Variants in ADAMTS15 observed in about 807,000 individuals in gnomAD.
ADAMTS15 encodes the protein ADAM metallopeptidase with thrombospondin type 1 motif 15, also known as A disintegrin and metalloproteinase with thrombospondin motifs 15.
ADAMTS15 carries 35 observed loss-of-function variants against 79.1 expected under a neutral mutation model. That is an observed-to-expected ratio of 0.44 (90% CI 0.34 to 0.59). The LOEUF (loss-of-function observed/expected upper bound fraction) is 0.59, where lower values mean the gene tolerates loss of function less well. Ranked by LOEUF, ADAMTS15 falls within the 20% of genes least tolerant of loss-of-function variation. ADAMTS15 has a pLI of 0.02. For missense variants in ADAMTS15, 1,324 were observed against 1,318.7 expected (o/e 1.00, Z -0.06); for synonymous variants, 616 against 567.3 (o/e 1.09, Z -1.22).
intron 1 of ADAMTS15, among the ~76,000 whole-genome samples, chr11:130,460,709 G>A (rs1053778619): frequency 4.6e-5 from 7 of 152,138 alleles, no homozygotes; most frequent in Non-Finnish European, 8.8e-5. Context: ...TATCCACCCC[G>A]GAAGCCCTAT....
In ADAMTS15 at chr11:130,462,732, C is replaced by T. The variant is rs765856607; in HGVS notation, c.1494C>T (p.Leu498=). 1 of 1,607,220 alleles carries T rather than the reference C, an allele frequency of 6.2e-7. No homozygotes were observed. Among genetic ancestry groups the T allele is most frequent in the South Asian group, 1.1e-5 (1 of 90,808 alleles). The change falls in exon 4 of 8, where the codon CTC becomes CTT. Residue 498 remains leucine, a synonymous_variant. Coordinates refer to ENST00000299164, the MANE Select transcript of ADAMTS15 (RefSeq NM_139055.4). The surrounding 1 kb of genome is among the most constrained non-coding windows in gnomAD (Gnocchi z 4.3). ...ADGTSCGEGK[L]CLKGACVERH... ...GCACCAGCTGTGGCGAGGGCAAGCT[C>T]TGCCTCAAAGGGGCCTGCGTGGAGA... is the stretch of plus-strand genomic sequence containing the variant.
chr11:130,473,734 C>T lies in ADAMTS15; in HGVS notation c.2766C>T (p.Gly922=). 6.3e-7 allele frequency: 1 copy of T among 1,599,704 alleles called. No individual in the cohort carries two copies. The highest frequency in any genetic ancestry group is 1.1e-5 in the South Asian group (1 of 91,082). ...GFQRRSLKCV[G]HGGRLLARDQ... is the part of the protein sequence containing the mutation. ...AGAGGCGCTCACTCAAGTGTGTGGG[C>T]CACGGAGGCCGGCTGCTGGCCCGGG... The change falls in exon 8 of 8, where the codon GGC becomes GGT. Residue 922 remains glycine, a synonymous_variant. Coordinates refer to ENST00000299164, the MANE Select transcript of ADAMTS15 (RefSeq NM_139055.4).
chr11:130,470,574 A>G (rs1057295355), intron 5 of ADAMTS15, among the ~76,000 whole-genome samples: 8 of 152,118 alleles, frequency 5.3e-5, no homozygotes, highest in African/African-American at 1.9e-4. Flanking sequence ...TTGTTTCAAA[A>G]TATATCGATA....
chr11:130,470,146 A>ACACACATG (rs1938397671), intron 5 of ADAMTS15, among the ~76,000 whole-genome samples: 2 of 58,884 alleles, frequency 3.4e-5, no homozygotes, highest in African/African-American at 1.8e-4. Flanking sequence ...ATATATATAT[A>ACACACATG]TATATGTGTA....
rs1403640730 is a variant in ADAMTS15, at chr11:130,473,317, C to T, written c.2349C>T (p.Val783=). ...RPILEPLTVE[V]LSVGKMTPPR... Reference sequence around the variant, plus strand: ...TCCTGGAGCCGCTGACCGTGGAGGTCCTCTCCGTGGGGAAGATGACACCGC... The same window carrying T: ...TCCTGGAGCCGCTGACCGTGGAGGTTCTCTCCGTGGGGAAGATGACACCGC... The change falls in exon 8 of 8, where the codon GTC becomes GTT. Residue 783 remains valine, a synonymous_variant. Transcript: ENST00000299164. The T allele has an allele frequency of 6.2e-7, 1 of 1,613,074 alleles. No homozygotes were observed. The highest frequency in any genetic ancestry group is 8.5e-7 in the Non-Finnish European group (1 of 1,179,978).
At position 130,462,283 on chromosome 11, in the gene ADAMTS15, G is replaced by A; in HGVS notation, c.1258+29G>A. The A allele has an allele frequency of 6.3e-7, 1 of 1,590,884 alleles. No homozygotes were observed. The highest frequency in any genetic ancestry group is 8.6e-7 in the Non-Finnish European group (1 of 1,166,606). ...AGCCAGGACGGCGGGAGGGCAATGA[G>A]GCCGCCTCGGAGGGGGCTTTGCTGC... On this transcript the variant is annotated intron_variant, in intron 3 of 7. Transcript: ENST00000299164. The surrounding 1 kb of genome is among the most constrained non-coding windows in gnomAD (Gnocchi z 4.3).
chr11:130,461,512 T>G lies in ADAMTS15; in HGVS notation c.981T>G (p.Cys327Trp). 2.5e-6 allele frequency: 4 copies of G among 1,614,194 alleles called. No homozygotes were observed. Among genetic ancestry groups the G allele is most frequent in the Non-Finnish European group, 3.4e-6 (4 of 1,180,048 alleles). Residue 327 changes from cysteine (C) to tryptophan (W), a missense_variant, in exon 2 of 8, where the codon TGT becomes TGG. By Grantham distance (215) the Cys-to-Trp change is radical. Coordinates refer to ENST00000299164, the MANE Select transcript of ADAMTS15 (RefSeq NM_139055.4). ...AGGACCTGTGTGGAGCCACCACCTG[T>G]GACACCCTGGGCATGGCTGATGTGG... is the stretch of plus-strand genomic sequence containing the variant. ...TRQDLCGATTCDTLGMADVGT... is the reference protein window; with the variant it reads ...TRQDLCGATTWDTLGMADVGT...
rs1444515527 is a variant in ADAMTS15, at chr11:130,471,302, A to C, written c.1997A>C (p.Lys666Thr). 6.2e-7 allele frequency: 1 copy of C among 1,613,272 alleles called. No homozygotes were observed. The highest frequency in any genetic ancestry group is 8.5e-7 in the Non-Finnish European group (1 of 1,179,834). ...GGCTGTGATGGGAACCTGGGCTCCA[A>C]GAAGAGATTCGACAAGTGTGGGGTG... Reference protein sequence around the residue: ...KAGCDGNLGSKKRFDKCGVCG... With the variant: ...KAGCDGNLGSTKRFDKCGVCG... Residue 666 changes from lysine (K) to threonine (T), a missense_variant, in exon 7 of 8, where the codon AAG (lysine) becomes ACG (threonine). Lys to Thr is a moderately conservative substitution (Grantham distance 78, BLOSUM62 -1). Coordinates refer to ENST00000299164, the MANE Select transcript of ADAMTS15 (RefSeq NM_139055.4).
chr11:130,462,928 C>A lies in ADAMTS15; in HGVS notation c.1542+148C>A. The A allele has an allele frequency of 9.2e-7, 1 of 1,089,304 alleles. No homozygotes were observed. Among genetic ancestry groups the A allele is most frequent in the Non-Finnish European group, 1.3e-6 (1 of 766,958 alleles). 67.5% of individuals were successfully genotyped at this position (1,089,304 alleles called of 1,614,324 possible). A position where few individuals can be genotyped will look rare whatever the true frequency, so the allele number is the denominator to read the frequency against. ...CTGTTGCATGGCTGAGCTGTGCCTT[C>A]ACTGCCCTGTATATAGTCCTATCCC... On this transcript the variant is annotated intron_variant, in intron 4 of 7. Coordinates refer to ENST00000299164, the MANE Select transcript of ADAMTS15 (RefSeq NM_139055.4). This position sits in a 1 kb window ranked among gnomAD's most constrained non-coding sequence, Gnocchi z 4.3.
intron 1 of ADAMTS15, among the ~76,000 whole-genome samples, chr11:130,453,008 C>T (rs552175576): frequency 1.3e-5 from 2 of 151,068 alleles, no homozygotes; most frequent in African/African-American, 4.9e-5. Flanking sequence ...ATTGCGGCCT[C>T]AGGTCCCCAG....
intron 4 of ADAMTS15, among the ~76,000 whole-genome samples, chr11:130,467,626 C>T (rs74804652): frequency 0.011 from 1,701 of 152,052 alleles, 31 homozygotes; most frequent in African/African-American, 0.039. Flanking sequence ...GTTTTAATTC[C>T]AGGCGAGTAC....
chr11:130,465,444 A>G (rs1938280932), intron 4 of ADAMTS15, among the ~76,000 whole-genome samples: 1 of 152,112 alleles, frequency 6.6e-6, no homozygotes, highest in Non-Finnish European at 1.5e-5. Flanking sequence ...TTAGAATACA[A>G]ACCTGTTGTA....
chr11:130,473,149 T>C lies in ADAMTS15; in HGVS notation c.2181T>C (p.Ala727=). 6.2e-7 allele frequency: 1 copy of C among 1,614,064 alleles called. No individual in the cohort carries two copies. Among genetic ancestry groups the C allele is most frequent in the Non-Finnish European group, 8.5e-7 (1 of 1,180,032 alleles). ...KGLIGDDNYL[A]LKNSQGKYLL... is the part of the protein sequence containing the mutation. ...TGATCGGGGATGACAACTACCTGGC[T>C]CTGAAGAACAGCCAAGGCAAGTACC... Residue 727 remains alanine, a synonymous_variant, in exon 8 of 8, where the codon GCT becomes GCC. Transcript: ENST00000299164.
intron 1 of ADAMTS15, chr11:130,450,220 A>G: frequency 1.0e-6 from 1 of 985,458 alleles, no homozygotes; most frequent in Non-Finnish European, 1.2e-6. Flanking sequence ...GCCGGAACCC[A>G]GGAAGTTGCC....
At chr11:130,461,350 C>T in intron 1 of ADAMTS15, 139 bp from the exon 2 acceptor site, 2 of 1,241,778 alleles carry the variant, frequency 1.6e-6, no homozygotes, top group Non-Finnish European at 2.2e-6. Context: ...AAGAAGAGCC[C>T]AGCTGGAAGG....
intron 7 of ADAMTS15, 82 bp downstream of exon 7, chr11:130,471,465 G>A (rs1406848084): frequency 6.7e-7 from 1 of 1,501,550 alleles, no homozygotes; most frequent in East Asian, 2.3e-5. Context: ...GCTTGGGTTA[G>A]ACTGGGGTAA....
intron 5 of ADAMTS15, among the ~76,000 whole-genome samples, chr11:130,470,169 T>TAC (rs1565397737): frequency 6.5e-5 from 4 of 61,250 alleles, no homozygotes; most frequent in African/African-American, 4.0e-4. Flanking sequence ...TATATATATA[T>TAC]ATATATATAT....
intron 4 of ADAMTS15, among the ~76,000 whole-genome samples, chr11:130,466,161 C>T (rs1446483428): frequency 6.6e-6 from 1 of 152,228 alleles, no homozygotes; most frequent in African/African-American, 2.4e-5. Flanking sequence ...GCGTGAGCCA[C>T]CGCGCCCGGC....
Position 130,469,326 on chromosome 11 carries a change from T to C in ADAMTS15, c.1607T>C (p.Val536Ala). ...TGCTCGCGCACATGTGGTGGGGGCG[T>C]GCAGCTGGCCAGGAGGCAGTGCACC... is the stretch of plus-strand genomic sequence containing the variant. Reference protein sequence around the residue: ...GPCSRTCGGGVQLARRQCTNP... With the variant: ...GPCSRTCGGGAQLARRQCTNP... Residue 536 changes from valine to alanine, a missense_variant, in exon 5 of 8, where the codon GTG becomes GCG. Val to Ala is a moderately conservative substitution (Grantham distance 64). Transcript: ENST00000299164. 7.2e-7 allele frequency: 1 copy of C among 1,384,968 alleles called. No individual in the cohort carries two copies. Among genetic ancestry groups the C allele is most frequent in the South Asian group, 2.0e-5 (1 of 50,974 alleles). 85.8% of individuals were successfully genotyped at this position (1,384,968 alleles called of 1,614,324 possible). A position where few individuals can be genotyped will look rare whatever the true frequency, so the allele number is the denominator to read the frequency against.
Sources: gnomAD v4.1 joint callset for allele counts (sites outside exome capture counted in the v4.1 genomes callset) on GRCh38, gnomAD v4.1.1 for gene constraint, Gnocchi (gnomAD v3.1) non-coding constraint, MANE v1.5 for transcripts, NCBI Gene and HGNC (gene_info 2026-07-23, HGNC 2026-07-21) for gene names.